MTUS2: variants seen among roughly 807,000 people sequenced by gnomAD.
MTUS2 encodes microtubule-associated tumor suppressor candidate 2.
MTUS2 carries 40 observed loss-of-function variants against 114.1 expected under a neutral mutation model. That is an observed-to-expected ratio of 0.35 (90% CI 0.27 to 0.46). The LOEUF (loss-of-function observed/expected upper bound fraction) is 0.46. Ranked by LOEUF, MTUS2 falls within the 20% of genes least tolerant of loss-of-function variation. The probability of loss-of-function intolerance (pLI) is 1.00; values close to 1 mark genes in which losing one functional copy is unlikely to be tolerated. For synonymous variants in MTUS2, 688 were observed against 672.0 expected (o/e 1.02, Z -0.37); for missense variants, 1,679 against 1,705.4 (o/e 0.98, Z 0.27).
intron 2 of MTUS2, among the ~76,000 whole-genome samples, chr13:28,955,644 T>G (rs1212324123): frequency 1.3e-5 from 2 of 152,180 alleles, no homozygotes; most frequent in Non-Finnish European, 2.9e-5. Flanking sequence ...CAATCCTTTC[T>G]TACTCCCCCT....
chr13:28,984,806 T>TA (rs1294990903), intron 2 of MTUS2, among the ~76,000 whole-genome samples: 2 of 152,258 alleles, frequency 1.3e-5, no homozygotes, highest in Admixed American at 6.5e-5. Context: ...CTGTATCAGA[T>TA]ACGTTATTTC....
chr13:29,182,762 A>G (rs549981909), intron 5 of MTUS2, among the ~76,000 whole-genome samples: 43 of 152,354 alleles, frequency 2.8e-4, no homozygotes, highest in African/African-American at 9.6e-4. Flanking sequence ...AATACGTTGG[A>G]AACTTAAATT....
intron 4 of MTUS2, chr13:29,071,880 G>A (rs1269537909): frequency 6.6e-6 from 1 of 152,068 alleles, no homozygotes; most frequent in Non-Finnish European, 1.5e-5. Flanking sequence ...GGCAGGGGGT[G>A]GGAGTAAGAG....
At chr13:29,074,019 G>A (rs1288033600) in intron 4 of MTUS2, among the ~76,000 whole-genome samples, 2 of 152,028 alleles carry the variant, frequency 1.3e-5, no homozygotes, top group Admixed American at 1.3e-4. Flanking sequence ...AGAACACCAG[G>A]ATTTCTCTCT....
chr13:29,047,599 T>C (rs185357136), intron 4 of MTUS2, among the ~76,000 whole-genome samples: 2,826 of 151,606 alleles, frequency 0.019, 42 homozygotes, highest in Non-Finnish European at 0.03. Flanking sequence ...CTGCAAGCTC[T>C]GCCTCCCGGG....
chr13:29,210,848 T>G (rs1451726846), intron 5 of MTUS2, among the ~76,000 whole-genome samples: 1 of 104,810 alleles, frequency 9.5e-6, no homozygotes, highest in Non-Finnish European at 2.2e-5. Flanking sequence ...TGAAATGGAC[T>G]CTGAGAGAGT....
chr13:29,502,841 T>G (rs1434532937), intron 15 of MTUS2, 152 bp from the exon 16 acceptor site: 1 of 722,384 alleles, frequency 1.4e-6, no homozygotes, highest in African/African-American at 1.8e-5. Context: ...GAAATCATGA[T>G]TCAACCAAAG....
At chr13:28,829,316 A>T (rs961499252) in intron 1 of MTUS2, among the ~76,000 whole-genome samples, 8 of 152,126 alleles carry the variant, frequency 5.3e-5, no homozygotes, top group African/African-American at 1.9e-4. Context: ...ACCTGAGGTC[A>T]GGAGTTTGAG....
intron 2 of MTUS2, among the ~76,000 whole-genome samples, chr13:28,955,496 A>G (rs909949136): frequency 1.3e-5 from 2 of 152,026 alleles, no homozygotes; most frequent in Non-Finnish European, 2.9e-5. Flanking sequence ...TGATGCCGCC[A>G]TAAAAGGTCT....
At chr13:28,925,716 T>C (rs1411191595) in intron 2 of MTUS2, among the ~76,000 whole-genome samples, 2 of 152,208 alleles carry the variant, frequency 1.3e-5, no homozygotes, top group Non-Finnish European at 2.9e-5. Context: ...TCAAATTCCT[T>C]ATATACTCAC....
chr13:29,111,091 T>A (rs770082793), intron 5 of MTUS2, among the ~76,000 whole-genome samples: 2 of 152,146 alleles, frequency 1.3e-5, no homozygotes, highest in Non-Finnish European at 2.9e-5. Context: ...TTATTCTGTA[T>A]AAAAAATGGA....
At chr13:29,166,744 G>A (rs1030513598) in intron 5 of MTUS2, among the ~76,000 whole-genome samples, 1 of 151,952 alleles carries the variant, frequency 6.6e-6, no homozygotes, top group Non-Finnish European at 1.5e-5. Flanking sequence ...TGAGAATTTT[G>A]CATTTAAATA....
chr13:29,047,664 C>T (rs1887693945), intron 4 of MTUS2, among the ~76,000 whole-genome samples: 1 of 152,080 alleles, frequency 6.6e-6, no homozygotes, highest in Admixed American at 6.5e-5. Flanking sequence ...CAGGCGCCCG[C>T]CACCTCGCCC....
chr13:29,467,702 A>G (rs1242559564), intron 9 of MTUS2, among the ~76,000 whole-genome samples: 2 of 152,228 alleles, frequency 1.3e-5, no homozygotes, highest in African/African-American at 4.8e-5. Context: ...CTTTGCCTCC[A>G]TAAATCATTC....
intron 9 of MTUS2, among the ~76,000 whole-genome samples, chr13:29,452,147 T>TTG (rs1878731071): frequency 6.6e-6 from 1 of 152,208 alleles, no homozygotes; most frequent in South Asian, 2.1e-4. Context: ...GTAATATCAA[T>TTG]ACTGCAAACT....
rs117872363 is a variant in MTUS2 at position 28,923,970 on chromosome 13, C to T, written c.-243+84120C>T. On this transcript the variant is annotated intron_variant, in intron 2 of 15. Coordinates refer to ENST00000612955, the MANE Select transcript of MTUS2 (RefSeq NM_001033602.4). The stretch of plus-strand genomic sequence containing the variant: ...CCGTGATTCTCAGTGGAGGTTAATA[C>T]TTTTTCCCAACTGGGAGCAGAGTGA... 1.3e-3 allele frequency among the ~76,000 whole-genome samples: 200 copies of T among 152,226 alleles called. No individual in the cohort carries two copies. The East Asian group carries it at 0.033, about 25-fold the overall frequency.
intron 1 of MTUS2, among the ~76,000 whole-genome samples, chr13:28,832,454 A>G (rs1874753456): frequency 6.6e-6 from 1 of 152,022 alleles, no homozygotes; most frequent in Non-Finnish European, 1.5e-5. Context: ...TAGTTTGAGA[A>G]GAATGAAAAC....
intron 2 of MTUS2, among the ~76,000 whole-genome samples, chr13:28,955,121 T>C (rs1052278151): frequency 6.6e-6 from 1 of 152,176 alleles, no homozygotes; most frequent in Non-Finnish European, 1.5e-5. Context: ...TCTGATAGGA[T>C]CCAAAGACTT....
intron 2 of MTUS2, among the ~76,000 whole-genome samples, chr13:28,944,325 T>A (rs1882403546): frequency 6.6e-6 from 1 of 152,216 alleles, no homozygotes; most frequent in African/African-American, 2.4e-5. Flanking sequence ...TTATTTCTTC[T>A]AAGTGTATAG....
Sources: gnomAD v4.1 joint callset for allele counts (sites outside exome capture counted in the v4.1 genomes callset) on GRCh38, gnomAD v4.1.1 for gene constraint, MANE v1.5 for transcripts, NCBI Gene and HGNC (gene_info 2026-07-23, HGNC 2026-07-21) for gene names.